The following MEGF11 variants were observed in gnomAD, a reference collection of about 807,000 sequenced individuals.
MEGF11 encodes multiple EGF like domains 11.
A neutral mutation model predicts 146.6 loss-of-function variants in MEGF11; 126 were observed. The ratio of observed to expected loss-of-function variants is 0.86; its 90% CI spans 0.74 to 1.00. The LOEUF is 1.00. Ranked by LOEUF, MEGF11 falls within the 50% of genes least tolerant of loss-of-function variation. The probability of loss-of-function intolerance (pLI) is 0.00; values close to 1 mark genes in which losing one functional copy is unlikely to be tolerated. For missense variants in MEGF11, 1,509 were observed against 1,521.2 expected, an observed-to-expected ratio of 0.99 and a Z score of 0.13; for synonymous variants, 532 against 583.4, an observed-to-expected ratio of 0.91 and a Z score of 1.27.
chr15:66,144,686 C>T (rs1032576708), intron 1 of MEGF11, among the ~76,000 whole-genome samples: 9 of 152,176 alleles, frequency 5.9e-5, no homozygotes, highest in African/African-American at 1.9e-4. Context: ...CCAGCCACCC[C>T]GGGGCTGGTA....
intron 4 of MEGF11, among the ~76,000 whole-genome samples, chr15:66,102,037 T>C (rs910277547): frequency 2.0e-5 from 3 of 151,972 alleles, no homozygotes; most frequent in Non-Finnish European, 4.4e-5. Context: ...ATTAAAATTG[T>C]CAACTTGTCA....
intron 15 of MEGF11, 143 bp from the exon 16 acceptor site, chr15:65,918,237 G>T (rs1269355528): frequency 4.3e-6 from 5 of 1,161,220 alleles, no homozygotes; most frequent in Non-Finnish European, 6.1e-6. Flanking sequence ...CGCCCGCCTT[G>T]GTACCCTTGT....
chr15:66,250,599 G>T (rs573384736), intron 1 of MEGF11, among the ~76,000 whole-genome samples: 1 of 152,314 alleles, frequency 6.6e-6, no homozygotes, highest in South Asian at 2.1e-4. Flanking sequence ...GAAGCAGCTA[G>T]AAGTTATGGT....
rs1567232420 is a variant in MEGF11, at chr15:66,082,511, ATCT to A, written c.394+11888_394+11890del. On this transcript the variant is annotated intron_variant, in intron 5 of 25. Coordinates refer to ENST00000395614, the MANE Select transcript of MEGF11 (RefSeq NM_001385028.1). Reference sequence around the variant, plus strand: ...TATCTATCTATCTATCTATCTATCTATCTATAAATAAATTAGCCAGGTGTGGTG... The same window carrying A: ...TATCTATCTATCTATCTATCTATCTAATAAATAAATTAGCCAGGTGTGGTG... Among the ~76,000 whole-genome samples, 58 of 137,870 alleles carry A rather than the reference ATCT, an allele frequency of 4.2e-4. No homozygotes were observed. The East Asian group carries it at 4.7e-3, about 11-fold the overall frequency. 90.4% of individuals were successfully genotyped at this position (137,870 alleles called of 152,430 possible).
chr15:65,996,360 C>T (rs948865419), intron 5 of MEGF11, among the ~76,000 whole-genome samples: 1 of 152,204 alleles, frequency 6.6e-6, no homozygotes, highest in Non-Finnish European at 1.5e-5. Flanking sequence ...CAAACCAATA[C>T]AGCAAATGAG....
chr15:65,944,566 C>T (rs530390085), intron 10 of MEGF11, among the ~76,000 whole-genome samples: 1 of 152,182 alleles, frequency 6.6e-6, no homozygotes, highest in East Asian at 1.9e-4. Context: ...GCCAGGATGG[C>T]CTTGAGCGAC....
intron 5 of MEGF11, among the ~76,000 whole-genome samples, chr15:66,001,817 T>C (rs964808829): frequency 6.6e-6 from 1 of 152,058 alleles, no homozygotes; most frequent in Non-Finnish European, 1.5e-5. Flanking sequence ...GTGTGGGGTT[T>C]TCTTTTCTTT....
At chr15:66,185,561 C>T (rs1414396607) in intron 1 of MEGF11, among the ~76,000 whole-genome samples, 1 of 152,194 alleles carries the variant, frequency 6.6e-6, no homozygotes, top group African/African-American at 2.4e-5. Flanking sequence ...CAGTAGGGCA[C>T]ACGCACTGGC....
chr15:66,149,513 A>G (rs1597122149), intron 1 of MEGF11, among the ~76,000 whole-genome samples: 1 of 152,092 alleles, frequency 6.6e-6, no homozygotes, highest in African/African-American at 2.4e-5. Flanking sequence ...TCTTCAGCCT[A>G]TCTTTCCACT....
chr15:66,074,746 T>A (rs1455647269), intron 5 of MEGF11, among the ~76,000 whole-genome samples: 1 of 152,226 alleles, frequency 6.6e-6, no homozygotes, highest in Non-Finnish European at 1.5e-5. Context: ...CTCCCTAACG[T>A]GGTACTGGCA....
intron 1 of MEGF11, among the ~76,000 whole-genome samples, chr15:66,192,866 C>T (rs1328830172): frequency 1.3e-5 from 2 of 152,216 alleles, no homozygotes; most frequent in African/African-American, 4.8e-5. Flanking sequence ...TGTGATGTCA[C>T]CAACATCAAA....
chr15:66,089,458 C>A (rs1244736812), intron 5 of MEGF11, among the ~76,000 whole-genome samples: 1 of 152,156 alleles, frequency 6.6e-6, no homozygotes, highest in East Asian at 1.9e-4. Context: ...TCATCTCTAC[C>A]CCAGGCCTTC....
chr15:65,898,821 T>A lies in MEGF11; in HGVS notation c.3169A>T (p.Ser1057Cys), dbSNP rs752979604. ...PILTCKLPES[S>C]YVEMKSPVHM... ...ACAGGCGACTTCATTTCTACATAGC[T>A]GCTTTCTGGAAGCTTGCAGGTGAGG... The change falls in exon 25 of 26, where the codon AGC becomes TGC. Residue 1057 changes from serine to cysteine, a missense_variant. Physicochemically the swap from Ser to Cys is moderately radical, Grantham distance 112 (BLOSUM62 -1). Transcript: ENST00000395614. 6 of 1,613,926 alleles carry A rather than the reference T, an allele frequency of 3.7e-6. No individual in the cohort carries two copies. The Admixed American group carries it at 6.7e-5, about 18-fold the overall frequency.
rs1555468630 is a variant in MEGF11 at position 66,082,514 on chromosome 15, T to TAA, written c.394+11887_394+11888insTT. On this transcript the variant is annotated intron_variant, in intron 5 of 25. Transcript: ENST00000395614. ...CTATCTATCTATCTATCTATCTATC[T>TAA]ATAAATAAATTAGCCAGGTGTGGTG... Among the ~76,000 whole-genome samples, 792 of 115,018 alleles carry TAA rather than the reference T, an allele frequency of 6.9e-3. 3 individuals carry two copies. The highest frequency in any genetic ancestry group is 0.01 in the Non-Finnish European group (621 of 59,190). 75.5% of individuals were successfully genotyped at this position (115,018 alleles called of 152,430 possible). A position where few individuals can be genotyped will look rare whatever the true frequency, so the allele number is the denominator to read the frequency against.
chr15:65,942,974 CTTTTT>C lies in MEGF11; in HGVS notation c.1288-12036_1288-12032del, dbSNP rs58874869. On this transcript the variant is annotated intron_variant, in intron 10 of 25. Transcript: ENST00000395614. ...AAACAAAAACAAAAAAACAACTTGGCTTTTTTTTTTTTTTTTTTTTTTTTTTTTTT... is the reference window on the plus strand; with the variant it reads ...AAACAAAAACAAAAAAACAACTTGGCTTTTTTTTTTTTTTTTTTTTTTTTT... 5.9e-3 allele frequency among the ~76,000 whole-genome samples: 283 copies of C among 47,602 alleles called. 1 individual carries two copies. The highest frequency in any genetic ancestry group is 0.012 in the African/African-American group (117 of 9,880). 31.2% of individuals were successfully genotyped at this position (47,602 alleles called of 152,430 possible).
intron 1 of MEGF11, among the ~76,000 whole-genome samples, chr15:66,174,953 G>A (rs2169633): frequency 0.34 from 51,089 of 151,782 alleles, 9,164 homozygotes; most frequent in East Asian, 0.48. Context: ...GTATTTTTTT[G>A]TAGCAATTGT....
intron 4 of MEGF11, among the ~76,000 whole-genome samples, chr15:66,098,139 T>C (rs963660436): frequency 6.6e-6 from 1 of 152,198 alleles, no homozygotes; most frequent in African/African-American, 2.4e-5. Context: ...GAGGTACAGA[T>C]GGAAGGCCAG....
chr15:66,228,802 T>C (rs2091905018), intron 1 of MEGF11, among the ~76,000 whole-genome samples: 1 of 152,106 alleles, frequency 6.6e-6, no homozygotes, highest in African/African-American at 2.4e-5. Flanking sequence ...GCCCCCTTGA[T>C]CTCTGGCTTC....
intron 1 of MEGF11, among the ~76,000 whole-genome samples, chr15:66,242,798 C>T (rs2092236326): frequency 6.6e-6 from 1 of 152,192 alleles, no homozygotes; most frequent in Non-Finnish European, 1.5e-5. Context: ...CTTCTCTCTC[C>T]TGCCCTATCA....
Sources: gnomAD v4.1 joint callset for allele counts (sites outside exome capture counted in the v4.1 genomes callset) on GRCh38, gnomAD v4.1.1 for gene constraint, MANE v1.5 for transcripts, NCBI Gene and HGNC (gene_info 2026-07-23, HGNC 2026-07-21) for gene names.